The following METRNL variants were observed in gnomAD, a reference collection of about 807,000 sequenced individuals.
METRNL encodes the protein meteorin like, glial cell differentiation regulator, also known as meteorin-like protein.
In METRNL, 9 loss-of-function variants were observed where a neutral mutation model predicts 17.4. The ratio of observed to expected loss-of-function variants is 0.52; its 90% CI spans 0.31 to 0.90. METRNL has a LOEUF of 0.90. Among genes scored for constraint, METRNL ranks in the 40% least tolerant of loss-of-function variants. The pLI is 0.05. For synonymous variants in METRNL, 215 were observed against 199.3 expected, an observed-to-expected ratio of 1.08 and a Z score of -0.66; for missense variants, 408 against 430.7, an observed-to-expected ratio of 0.95 and a Z score of 0.47.
intron 3 of METRNL, 87 bp downstream of exon 3, chr17:83,093,313 GC>G: frequency 8.9e-7 from 1 of 1,118,208 alleles, no homozygotes; most frequent in Non-Finnish European, 1.3e-6. Flanking sequence ...CCTCTTCAGG[GC>G]CCAGGACAGC....
intron 2 of METRNL, among the ~76,000 whole-genome samples, chr17:83,088,612 AG>A (rs1054790082): frequency 6.6e-6 from 1 of 151,932 alleles, no homozygotes; most frequent in African/African-American, 2.4e-5. Flanking sequence ...GTGGGAGGGG[AG>A]GGGATGCTGC....
rs1264908280 is a variant in METRNL, at chr17:83,094,488, C to CT, written c.850dup (p.Cys284LeufsTer24). The CT allele has an allele frequency of 1.3e-6, 2 of 1,574,704 alleles. No individual in the cohort carries two copies. Among genetic ancestry groups the CT allele is most frequent in the Non-Finnish European group, 1.7e-6 (2 of 1,153,690 alleles). On this transcript the variant is annotated frameshift_variant, in exon 4 of 4. Coordinates refer to ENST00000320095, the MANE Select transcript of METRNL (RefSeq NM_001004431.3). LOFTEE classifies it high-confidence loss of function. Reference sequence around the variant, plus strand: ...TGCACTTCGGGGAGGCGCGGCTCGGCTGTGCCCCACGCTTCAAGGACTTCC... The same window carrying CT: ...TGCACTTCGGGGAGGCGCGGCTCGGCTTGTGCCCCACGCTTCAAGGACTTCC...
chr17:83,085,678 C>A (rs1600486802), intron 2 of METRNL, among the ~76,000 whole-genome samples: 1 of 152,330 alleles, frequency 6.6e-6, no homozygotes, highest in African/African-American at 2.4e-5. Flanking sequence ...CCGAGCGGGG[C>A]CTCTCTCCCT....
At chr17:83,089,273 C>T (rs764729953) in intron 2 of METRNL, among the ~76,000 whole-genome samples, 22 of 152,148 alleles carry the variant, frequency 1.4e-4, no homozygotes, top group African/African-American at 3.1e-4. Flanking sequence ...ACCTTATCCC[C>T]GTCACCGGCT....
intron 2 of METRNL, among the ~76,000 whole-genome samples, chr17:83,086,472 A>T (rs1251752865): frequency 6.6e-6 from 1 of 152,152 alleles, no homozygotes; most frequent in Non-Finnish European, 1.5e-5. Context: ...CTTGGTCACC[A>T]ACAGTTATGG....
intron 2 of METRNL, 102 bp from the exon 3 acceptor site, chr17:83,093,065 T>C: frequency 1.0e-6 from 1 of 955,768 alleles, no homozygotes; most frequent in Non-Finnish European, 1.6e-6. Context: ...ACACCCTCCC[T>C]GACTTGGCTT....
chr17:83,092,665 C>T (rs923228973), intron 2 of METRNL, among the ~76,000 whole-genome samples: 4 of 147,596 alleles, frequency 2.7e-5, no homozygotes, highest in Admixed American at 6.7e-5. Flanking sequence ...GTGCTCCCGG[C>T]GCCGTGGGCT....
intron 1 of METRNL, chr17:83,082,229 C>G: frequency 2.0e-6 from 2 of 985,466 alleles, no homozygotes; most frequent in Non-Finnish European, 2.4e-6. Flanking sequence ...GTCTCTCCTG[C>G]AAGGTGGGGA....
At position 83,094,796 on chromosome 17, in the gene METRNL, CTAAGT is replaced by C; in HGVS notation, c.*224_*228del. On this transcript the variant is annotated 3_prime_UTR_variant, in exon 4 of 4. Transcript: ENST00000320095. ...GATTGGAAATGCTGTAAAATGCAAACTAAGTTATTATATTTTTTTTTGGTAAAAAA... is the reference window on the plus strand; with the variant it reads ...GATTGGAAATGCTGTAAAATGCAAACTATTATATTTTTTTTTGGTAAAAAA... 2.5e-6 allele frequency: 1 copy of C among 399,920 alleles called. No homozygotes were observed. Among genetic ancestry groups the C allele is most frequent in the South Asian group, 1.3e-4 (1 of 7,510 alleles). The allele number at this position is 399,920 out of a possible 1,614,324, so 24.8% of individuals were successfully genotyped here.
chr17:83,088,655 CCCTGGCTCTCCAGGACGCCGGAGT>C (rs200795348), intron 2 of METRNL, among the ~76,000 whole-genome samples: 5,809 of 152,148 alleles, frequency 0.038, 181 homozygotes, highest in East Asian at 0.16. Context: ...GTGGTGCCGT[CCCTGGCTCTCCAGGACGCCGGAGT>C]CCTGCAGCGT....
intron 2 of METRNL, among the ~76,000 whole-genome samples, chr17:83,087,712 C>T (rs1356608235): frequency 3.9e-5 from 6 of 152,194 alleles, no homozygotes; most frequent in Non-Finnish European, 5.9e-5. Flanking sequence ...CCTTGCCTCC[C>T]GTTCCTGCAC....
rs770115888 is a variant in METRNL at position 83,094,423 on chromosome 17, G to A, written c.784G>A (p.Val262Met). Residue 262 changes from valine (V) to methionine (M), a missense_variant, in exon 4 of 4, where the codon GTG becomes ATG. Val to Met is a conservative substitution (Grantham distance 21). Coordinates refer to ENST00000320095, the MANE Select transcript of METRNL (RefSeq NM_001004431.3). ...CGTCAGGACGCTGCTGGAGTGTGGCGTGCGGCCGGGGCATGGCGACTTCCT... is the reference window on the plus strand; with the variant it reads ...CGTCAGGACGCTGCTGGAGTGTGGCATGCGGCCGGGGCATGGCGACTTCCT... ...GRVRTLLECGVRPGHGDFLFT... is the reference protein window; with the variant it reads ...GRVRTLLECGMRPGHGDFLFT... The A allele has an allele frequency of 6.4e-5, 102 of 1,600,834 alleles. No individual in the cohort carries two copies. The highest frequency in any genetic ancestry group is 8.0e-5 in the Non-Finnish European group (94 of 1,170,958).
At position 83,085,389 on chromosome 17, in the gene METRNL, GTC is replaced by G. The variant is rs1055635476; in HGVS notation, c.556+70_556+71del. The G allele has an allele frequency of 1.0e-5, 15 of 1,495,554 alleles. No homozygotes were observed. In the Middle Eastern group the frequency reaches 7.1e-4, roughly 71 times the overall value. 92.6% of individuals were successfully genotyped at this position (1,495,554 alleles called of 1,614,324 possible). ...TCACGGGGCTGGTGATGTGGCAGGT[GTC>G]TCTGATTTCTTCCTGTCCCCTCGTC... On this transcript the variant is annotated intron_variant, in intron 2 of 3. Coordinates refer to ENST00000320095, the MANE Select transcript of METRNL (RefSeq NM_001004431.3).
chr17:83,092,368 T>C (rs1038312251), intron 2 of METRNL: 4 of 152,190 alleles, frequency 2.6e-5, no homozygotes, highest in Non-Finnish European at 4.4e-5. Context: ...TCCAGCCACA[T>C]GGGGGGTCCC....
Position 83,094,266 on chromosome 17 carries a change from C to T in METRNL, c.627C>T (p.Gly209=), listed in dbSNP as rs779802874. Reference sequence around the variant, plus strand: ...TCCTTCCCCGCACAGCCGTTCGAGGCTCCATCCAGCAAGTTACCCACGAGC... The same window carrying T: ...TCCTTCCCCGCACAGCCGTTCGAGGTTCCATCCAGCAAGTTACCCACGAGC... ...AVCTSDFAVR[G]SIQQVTHEPE... Residue 209 remains glycine, a synonymous_variant, in exon 4 of 4, where the codon GGC becomes GGT. Transcript: ENST00000320095. 1.3e-6 allele frequency: 2 copies of T among 1,575,372 alleles called. No homozygotes were observed. The highest frequency in any genetic ancestry group is 3.4e-4 in the Middle Eastern group (2 of 5,950).
chr17:83,091,730 A>C (rs534978335), intron 2 of METRNL, among the ~76,000 whole-genome samples: 2 of 152,322 alleles, frequency 1.3e-5, no homozygotes, highest in Admixed American at 1.3e-4. Context: ...CCCCAAGTCA[A>C]GGTCGTCCCA....
chr17:83,086,710 G>T (rs768214969), intron 2 of METRNL, among the ~76,000 whole-genome samples: 4 of 152,244 alleles, frequency 2.6e-5, no homozygotes, highest in Non-Finnish European at 5.9e-5. Flanking sequence ...TCTGTGGCCT[G>T]AGCTTTGTTC....
intron 1 of METRNL, among the ~76,000 whole-genome samples, chr17:83,081,046 C>G (rs963455042): frequency 6.6e-6 from 1 of 151,664 alleles, no homozygotes; most frequent in Non-Finnish European, 1.5e-5. Context: ...CCCCAGCGCC[C>G]CCGGCGGAGC....
chr17:83,093,251 A>G, intron 3 of METRNL, 25 bp downstream of exon 3: 3 of 1,594,364 alleles, frequency 1.9e-6, no homozygotes, highest in Non-Finnish European at 2.6e-6. Flanking sequence ...GGCAGCTTCT[A>G]CCTCCTGTGC....
Sources: gnomAD v4.1 joint callset for allele counts (sites outside exome capture counted in the v4.1 genomes callset) on GRCh38, gnomAD v4.1.1 for gene constraint, MANE v1.5 for transcripts, NCBI Gene and HGNC (gene_info 2026-07-23, HGNC 2026-07-21) for gene names.